SPAG16: variants seen among roughly 807,000 people sequenced by gnomAD.
SPAG16 encodes sperm associated antigen 16.
A neutral mutation model predicts 80.4 loss-of-function variants in SPAG16; 86 were observed. That is an observed-to-expected ratio of 1.07 (90% CI 0.90 to 1.28). The LOEUF (loss-of-function observed/expected upper bound fraction) is 1.28. Among genes scored for constraint, SPAG16 ranks in the 50% most tolerant of loss-of-function variants. The pLI is 0.00. For missense variants in SPAG16, 870 were observed against 765.3 expected (o/e 1.14, Z -1.61); for synonymous variants, 294 against 265.9 (o/e 1.11, Z -1.03).
At chr2:213,505,275 T>C (rs1050932883) in intron 10 of SPAG16, among the ~76,000 whole-genome samples, 3 of 152,178 alleles carry the variant, frequency 2.0e-5, no homozygotes, top group African/African-American at 7.2e-5. Flanking sequence ...CTAGCTGCAG[T>C]TGAAATGAAA....
intron 15 of SPAG16, among the ~76,000 whole-genome samples, chr2:214,193,083 C>T (rs2057712573): frequency 6.6e-6 from 1 of 152,050 alleles, no homozygotes; most frequent in South Asian, 2.1e-4. Context: ...GCAAAGCGAC[C>T]AAGCTTTGTA....
chr2:214,329,028 G>A (rs1043351789), intron 15 of SPAG16, among the ~76,000 whole-genome samples: 16 of 152,300 alleles, frequency 1.1e-4, no homozygotes, highest in African/African-American at 3.4e-4. Flanking sequence ...AGGATACAAA[G>A]ATGGTTAGAA....
intron 15 of SPAG16, among the ~76,000 whole-genome samples, chr2:214,289,450 T>C (rs1693629382): frequency 6.6e-6 from 1 of 152,230 alleles, no homozygotes; most frequent in Non-Finnish European, 1.5e-5. Context: ...ATTTTACATA[T>C]GTACATCTAA....
intron 15 of SPAG16, among the ~76,000 whole-genome samples, chr2:214,216,167 A>C (rs1175660854): frequency 1.3e-5 from 2 of 152,232 alleles, no homozygotes; most frequent in Admixed American, 6.5e-5. Context: ...TTGGGATTGA[A>C]AATTATGAGC....
chr2:214,299,971 A>C (rs1318105311), intron 15 of SPAG16, among the ~76,000 whole-genome samples: 1 of 152,184 alleles, frequency 6.6e-6, no homozygotes, highest in Admixed American at 6.5e-5. Context: ...GACTTTTATC[A>C]ACTTTATAAG....
At chr2:213,436,872 C>A (rs2070668503) in intron 9 of SPAG16, among the ~76,000 whole-genome samples, 1 of 151,736 alleles carries the variant, frequency 6.6e-6, no homozygotes, top group Non-Finnish European at 1.5e-5. Context: ...TGTTTTAATT[C>A]TCAGTATATG....
intron 15 of SPAG16, among the ~76,000 whole-genome samples, chr2:214,388,168 A>G (rs1171640343): frequency 1.3e-5 from 2 of 151,696 alleles, no homozygotes; most frequent in African/African-American, 4.9e-5. Flanking sequence ...CTGGAAAAAT[A>G]TTAACAAATA....
intron 10 of SPAG16, among the ~76,000 whole-genome samples, chr2:213,722,959 A>G (rs1285800068): frequency 6.6e-6 from 1 of 152,132 alleles, no homozygotes; most frequent in Non-Finnish European, 1.5e-5. Context: ...TCATGATCCA[A>G]TCACTTCCCA....
intron 10 of SPAG16, among the ~76,000 whole-genome samples, chr2:213,605,307 C>G (rs1014128952): frequency 5.3e-5 from 8 of 149,946 alleles, no homozygotes; most frequent in Non-Finnish European, 1.0e-4. Context: ...CGCACTGTCA[C>G]CCAGGCTGGA....
chr2:214,335,548 C>T (rs995921829), intron 15 of SPAG16, among the ~76,000 whole-genome samples: 13 of 151,450 alleles, frequency 8.6e-5, no homozygotes, highest in South Asian at 6.3e-4. Context: ...ATTTTAGTGA[C>T]GATGCTGATG....
intron 10 of SPAG16, among the ~76,000 whole-genome samples, chr2:213,686,436 C>A (rs890708642): frequency 4.0e-5 from 6 of 151,828 alleles, no homozygotes; most frequent in Non-Finnish European, 7.4e-5. Flanking sequence ...TTTAATATTC[C>A]TTTCTCTGAA....
intron 15 of SPAG16, among the ~76,000 whole-genome samples, chr2:214,162,587 AT>A (rs1448267127): frequency 6.6e-6 from 1 of 152,106 alleles, no homozygotes; most frequent in African/African-American, 2.4e-5. Flanking sequence ...TGTCTCGTTG[AT>A]TTGTGATGCC....
chr2:213,472,758 TA>T (rs144888312), intron 9 of SPAG16, among the ~76,000 whole-genome samples: 9,090 of 152,214 alleles, frequency 0.06, 895 homozygotes, highest in African/African-American at 0.21. Context: ...CTGACCTCCA[TA>T]ACCCCCTACT....
At chr2:214,065,461 A>G (rs755259833) in intron 13 of SPAG16, among the ~76,000 whole-genome samples, 2 of 152,162 alleles carry the variant, frequency 1.3e-5, no homozygotes, top group African/African-American at 4.8e-5. Flanking sequence ...CTAAATCTTT[A>G]CAGTGAAGGG....
intron 14 of SPAG16, among the ~76,000 whole-genome samples, chr2:214,144,068 G>A (rs2058989): frequency 0.98 from 149,088 of 152,232 alleles, 73,067 homozygotes; most frequent in East Asian, 1. Context: ...TGACGTGGAA[G>A]GATCACCTGA....
At chr2:213,897,124 A>G (rs2077026040) in intron 11 of SPAG16, among the ~76,000 whole-genome samples, 1 of 152,166 alleles carries the variant, frequency 6.6e-6, no homozygotes, top group Non-Finnish European at 1.5e-5. Context: ...GGATATCCTA[A>G]GTACACTGAT....
At chr2:213,495,635 T>TA (rs2074447417) in intron 10 of SPAG16, among the ~76,000 whole-genome samples, 1 of 152,140 alleles carries the variant, frequency 6.6e-6, no homozygotes, top group African/African-American at 2.4e-5. Flanking sequence ...TTGATGGCCA[T>TA]AAATGCTGTA....
At chr2:214,254,740 T>G (rs981140091) in intron 15 of SPAG16, among the ~76,000 whole-genome samples, 1 of 152,054 alleles carries the variant, frequency 6.6e-6, no homozygotes, top group African/African-American at 2.4e-5. Context: ...AAAAATTAAT[T>G]ACAGTCATAT....
At chr2:214,101,342 A>C (rs2053013722) in intron 13 of SPAG16, among the ~76,000 whole-genome samples, 1 of 152,120 alleles carries the variant, frequency 6.6e-6, no homozygotes. Flanking sequence ...ATGGGTTGGA[A>C]GATGGGTGTG....
Sources: allele counts gnomAD v4.1 joint callset (sites outside exome capture counted in the v4.1 genomes callset), GRCh38; gene constraint gnomAD v4.1.1; transcripts MANE v1.5; gene names NCBI Gene and HGNC (gene_info 2026-07-23, HGNC 2026-07-21).